Variants in CPNE8 observed in about 807,000 individuals in gnomAD.
The protein encoded by CPNE8 is copine 8.
A neutral mutation model predicts 81.5 loss-of-function variants in CPNE8; 45 were observed. The observed-to-expected ratio is 0.55, with a 90% CI of 0.44 to 0.71. The LOEUF (loss-of-function observed/expected upper bound fraction) is 0.71, where lower values mean the gene tolerates loss of function less well. Ranked by LOEUF, CPNE8 falls within the 30% of genes least tolerant of loss-of-function variation. CPNE8 has a pLI of 0.00. For missense variants in CPNE8, 594 were observed against 672.1 expected (o/e 0.88, Z 1.28); for synonymous variants, 252 against 226.3 (o/e 1.11, Z -1.02).
chr12:38,852,992 A>G (rs1228322825), intron 3 of CPNE8, among the ~76,000 whole-genome samples: 1 of 152,182 alleles, frequency 6.6e-6, no homozygotes, highest in African/African-American at 2.4e-5. Flanking sequence ...AATCAGAAAC[A>G]AAAAACTTTC....
intron 5 of CPNE8, among the ~76,000 whole-genome samples, chr12:38,833,153 GA>G (rs1943318464): frequency 6.6e-6 from 1 of 151,778 alleles, no homozygotes. Context: ...AGGCGATCAA[GA>G]CCAGTCGGGC....
intron 10 of CPNE8, among the ~76,000 whole-genome samples, chr12:38,740,715 C>T (rs1233848465): frequency 1.3e-5 from 2 of 152,136 alleles, no homozygotes; most frequent in African/African-American, 4.8e-5. Flanking sequence ...TATGTTGAAC[C>T]AGCCTTGCAT....
chr12:38,838,009 G>C (rs981130783), intron 5 of CPNE8, among the ~76,000 whole-genome samples: 4 of 152,040 alleles, frequency 2.6e-5, no homozygotes, highest in African/African-American at 7.2e-5. Context: ...AAAGGGAAAA[G>C]AATTAGCCAT....
intron 3 of CPNE8, among the ~76,000 whole-genome samples, chr12:38,855,328 C>T (rs1361524326): frequency 1.3e-5 from 2 of 152,000 alleles, no homozygotes; most frequent in East Asian, 3.8e-4. Context: ...GATGTAATCT[C>T]TATCAAAATT....
intron 8 of CPNE8, among the ~76,000 whole-genome samples, chr12:38,764,279 G>T (rs1448140725): frequency 6.6e-6 from 1 of 152,060 alleles, no homozygotes; most frequent in Non-Finnish European, 1.5e-5. Context: ...GGGCTGTAGG[G>T]GCTCAGAACA....
Position 38,653,489 on chromosome 12 carries a change from A to C in CPNE8, c.*393T>G, listed in dbSNP as rs1565555016. The C allele has an allele frequency of 6.4e-6, 1 of 156,416 alleles. No homozygotes were observed. Among genetic ancestry groups the C allele is most frequent in the Non-Finnish European group, 1.4e-5 (1 of 70,680 alleles). The allele number at this position is 156,416 out of a possible 1,614,324, so 9.7% of individuals were successfully genotyped here. A position where few individuals can be genotyped will look rare whatever the true frequency, so the allele number is the denominator to read the frequency against. ...GTTATAAAAGTATTGAAATTTAAAA[A>C]GTAGTAACATGTAAACATTGATACA... On this transcript the variant is annotated 3_prime_UTR_variant, in exon 20 of 20. Coordinates refer to ENST00000331366, the MANE Select transcript of CPNE8 (RefSeq NM_153634.3).
At chr12:38,794,894 T>A (rs1942418364) in intron 6 of CPNE8, among the ~76,000 whole-genome samples, 1 of 152,160 alleles carries the variant, frequency 6.6e-6, no homozygotes, top group Non-Finnish European at 1.5e-5. Flanking sequence ...AGATCCACCC[T>A]CAATGAGACT....
chr12:38,685,640 C>T, intron 15 of CPNE8, 23 bp from the exon 16 acceptor site: 1 of 1,601,888 alleles, frequency 6.2e-7, no homozygotes, highest in South Asian at 1.1e-5. Flanking sequence ...ATAGGCAAAA[C>T]AAAACAAAAC....
chr12:38,769,550 C>T (rs902502053), intron 7 of CPNE8, among the ~76,000 whole-genome samples: 1 of 152,160 alleles, frequency 6.6e-6, no homozygotes, highest in African/African-American at 2.4e-5. Context: ...TATTTAAATG[C>T]CCTTGGGAGA....
intron 10 of CPNE8, among the ~76,000 whole-genome samples, chr12:38,751,817 T>G (rs533713368): frequency 2.0e-5 from 3 of 152,200 alleles, no homozygotes; most frequent in African/African-American, 7.2e-5. Context: ...TTTTGTCTAA[T>G]TCACAATAGT....
chr12:38,874,419 C>T, intron 2 of CPNE8, 52 bp downstream of exon 2: 1 of 1,366,218 alleles, frequency 7.3e-7, no homozygotes, highest in South Asian at 1.2e-5. Context: ...GAGTTTCCTA[C>T]AACTTTTGCA....
At chr12:38,779,908 G>A (rs919469421) in intron 6 of CPNE8, among the ~76,000 whole-genome samples, 3 of 152,026 alleles carry the variant, frequency 2.0e-5, no homozygotes, top group Admixed American at 6.6e-5. Flanking sequence ...TGGATAACTA[G>A]CAAAGGATTA....
intron 18 of CPNE8, among the ~76,000 whole-genome samples, chr12:38,672,230 A>G (rs1425792781): frequency 6.6e-6 from 1 of 152,224 alleles, no homozygotes; most frequent in Non-Finnish European, 1.5e-5. Context: ...CACTTTCCAC[A>G]GTCTTCTACA....
At chr12:38,654,745 G>A (rs1039049939) in intron 19 of CPNE8, among the ~76,000 whole-genome samples, 1 of 151,950 alleles carries the variant, frequency 6.6e-6, no homozygotes, top group Non-Finnish European at 1.5e-5. Context: ...CCTCTTTGGG[G>A]CTTGGTTTCC....
intron 6 of CPNE8, among the ~76,000 whole-genome samples, chr12:38,783,177 C>T (rs1372108326): frequency 6.6e-6 from 1 of 151,860 alleles, no homozygotes; most frequent in East Asian, 1.9e-4. Context: ...AAATTTAGGA[C>T]ATAGATAAGA....
At position 38,766,553 on chromosome 12, in the gene CPNE8, A is replaced by T. The variant is rs368041382; in HGVS notation, c.575+1082T>A. Among the ~76,000 whole-genome samples, 126 of 152,288 alleles carry T rather than the reference A, an allele frequency of 8.3e-4. No homozygotes were observed. In the East Asian group the frequency reaches 9.1e-3, roughly 11 times the overall value. ...TTGCTCAGTAGCTGCATCAACAAACATCTCCCAATAAGTAGACCATCATTT... is the reference window on the plus strand; with the variant it reads ...TTGCTCAGTAGCTGCATCAACAAACTTCTCCCAATAAGTAGACCATCATTT... On this transcript the variant is annotated intron_variant, in intron 8 of 19. Coordinates refer to ENST00000331366, the MANE Select transcript of CPNE8 (RefSeq NM_153634.3).
At chr12:38,796,148 G>A (rs1942466153) in intron 6 of CPNE8, among the ~76,000 whole-genome samples, 1 of 152,102 alleles carries the variant, frequency 6.6e-6, no homozygotes, top group South Asian at 2.1e-4. Context: ...TTAGCCAGAT[G>A]TGGCAGTGCA....
In CPNE8 at chr12:38,695,489, TA is replaced by T. The variant is rs746812142; in HGVS notation, c.962-1652del. ...TGAGTTCAATTTTTGTCCTCTGTTGTAACAGTCTTGACCCCTTTGCAATGGT... is the reference window on the plus strand; with the variant it reads ...TGAGTTCAATTTTTGTCCTCTGTTGTACAGTCTTGACCCCTTTGCAATGGT... On this transcript the variant is annotated intron_variant, in intron 14 of 19. Coordinates refer to ENST00000331366, the MANE Select transcript of CPNE8 (RefSeq NM_153634.3). Among the ~76,000 whole-genome samples the T allele has an allele frequency of 1.7e-3, 261 of 152,314 alleles. 3 individuals carry two copies. Among genetic ancestry groups the T allele is most frequent in the Non-Finnish European group, 2.5e-3 (172 of 68,026 alleles).
chr12:38,849,727 A>G (rs1943616485), intron 3 of CPNE8, among the ~76,000 whole-genome samples: 1 of 152,236 alleles, frequency 6.6e-6, no homozygotes, highest in Non-Finnish European at 1.5e-5. Context: ...TCACAGACCA[A>G]TATCATACAG....
Sources: gnomAD v4.1 joint callset for allele counts (sites outside exome capture counted in the v4.1 genomes callset) on GRCh38, gnomAD v4.1.1 for gene constraint, MANE v1.5 for transcripts, NCBI Gene and HGNC (gene_info 2026-07-23, HGNC 2026-07-21) for gene names.